Variants in AHNAK observed in about 807,000 individuals in gnomAD.
The protein encoded by AHNAK is neuroblast differentiation-associated protein AHNAK.
Under a neutral mutation model 37.8 loss-of-function variants are expected in AHNAK, and 23 were observed. The observed-to-expected ratio is 0.61, with a 90% CI of 0.44 to 0.86. The LOEUF (loss-of-function observed/expected upper bound fraction) is 0.86. AHNAK is among the 40% of genes least tolerant of loss of function. The pLI is 0.00. For missense variants in AHNAK, 7,411 were observed against 7,319.4 expected (o/e 1.01, Z -0.46); for synonymous variants, 2,481 against 2,636.3 (o/e 0.94, Z 1.80).
At chr11:62,543,258 T>C (rs974699397) in intron 1 of AHNAK, among the ~76,000 whole-genome samples, 8 of 152,144 alleles carry the variant, frequency 5.3e-5, no homozygotes, top group African/African-American at 1.9e-4. Context: ...ACTTCAGTCC[T>C]TACCTACAAC....
At chr11:62,450,559 C>T (rs1938514775) in intron 5 of AHNAK, among the ~76,000 whole-genome samples, 1 of 152,196 alleles carries the variant, frequency 6.6e-6, no homozygotes, top group Admixed American at 6.5e-5. Flanking sequence ...TGCCCCCAGA[C>T]ATAAGACTTC....
chr11:62,534,601 C>T (rs1332448343), intron 4 of AHNAK, among the ~76,000 whole-genome samples: 1 of 152,238 alleles, frequency 6.6e-6, no homozygotes, highest in African/African-American at 2.4e-5. Context: ...CCCACAGGCA[C>T]TTTGCTGCCC....
Position 62,529,356 on chromosome 11 carries a change from A to G in AHNAK, c.5061T>C (p.Val1687=), listed in dbSNP as rs771791577. ...KVEGEMKVPD[V]DIKGPKVDID... ...TGTCCACTTTGGGCCCTTTAATGTCAACATCTGGCACTTTCATTTCACCTT... is the reference window on the plus strand; with the variant it reads ...TGTCCACTTTGGGCCCTTTAATGTCGACATCTGGCACTTTCATTTCACCTT... The change falls in exon 5 of 5, where the codon GTT becomes GTC. Residue 1687 remains valine, a synonymous_variant. Transcript: ENST00000378024. The G allele has an allele frequency of 1.2e-6, 2 of 1,613,862 alleles. No homozygotes were observed. The highest frequency in any genetic ancestry group is 2.7e-5 in the African/African-American group (2 of 74,840).
rs748421379 is a variant in AHNAK at position 62,535,033 on chromosome 11, G to A, written c.312C>T (p.Val104=). 1.9e-6 allele frequency: 3 copies of A among 1,612,642 alleles called. No homozygotes were observed. Among genetic ancestry groups the A allele is most frequent in the African/African-American group, 1.3e-5 (1 of 74,912 alleles). Residue 104 remains valine (V), a synonymous_variant, in exon 4 of 5, where the codon GTC becomes GTT. Transcript: ENST00000378024. The stretch of plus-strand genomic sequence containing the variant: ...CCACTTCAGAGCTGCAGGAGCTGAA[G>A]ACTTCACGGGTCCAGGTCTGGCCAG... The part of the protein sequence containing the change: ...PEPGQTWTRE[V]FSSCSSEVVL...
In AHNAK at chr11:62,529,866, C is replaced by T. The variant is rs371736964; in HGVS notation, c.4551G>A (p.Lys1517=). Residue 1517 remains lysine, a synonymous_variant, in exon 5 of 5, where the codon AAG becomes AAA. Transcript: ENST00000378024. ...CTCCTTTAAAGCCAGGCATGCTGAACTTGGGCATTTTTACCTTGGGCATCT... is the reference window on the plus strand; with the variant it reads ...CTCCTTTAAAGCCAGGCATGCTGAATTTGGGCATTTTTACCTTGGGCATCT... ...HLKMPKVKMP[K]FSMPGFKGEG... 1.9e-6 allele frequency: 3 copies of T among 1,613,884 alleles called. No individual in the cohort carries two copies. Among genetic ancestry groups the T allele is most frequent in the Non-Finnish European group, 2.5e-6 (3 of 1,179,970 alleles).
At position 62,536,102 on chromosome 11, in the gene AHNAK, G is replaced by A. The variant is rs2134252056; in HGVS notation, c.1-4C>T. ...GGGTTGTCTCCTCCTTCTCCATCTG[G>A]AATGAGGTGAGGAAATGGAACTGGG... On this transcript the variant is annotated splice_region_variant and splice_polypyrimidine_tract_variant and intron_variant, in intron 2 of 4. Transcript: ENST00000378024. 1 of 1,568,222 alleles carries A rather than the reference G, an allele frequency of 6.4e-7. No homozygotes were observed. Among genetic ancestry groups the A allele is most frequent in the African/African-American group, 1.4e-5 (1 of 73,560 alleles).
At chr11:62,475,643 C>T (rs1939128232) in intron 5 of AHNAK, among the ~76,000 whole-genome samples, 1 of 135,354 alleles carries the variant, frequency 7.4e-6, no homozygotes, top group African/African-American at 2.8e-5. Context: ...CTCACTCTGT[C>T]ACCCAGGCCA....
rs759443644 is a variant in AHNAK, at chr11:62,530,878, C to T, written c.3539G>A (p.Gly1180Asp). The T allele has an allele frequency of 8.1e-6, 13 of 1,613,780 alleles. No individual in the cohort carries two copies. The highest frequency in any genetic ancestry group is 1.1e-5 in the Non-Finnish European group (13 of 1,179,982). ...SLEGPEGKLK[G>D]PKFKMPEMHF... ...CATCTCAGGCATCTTAAACTTGGGA[C>T]CCTTCAGCTTCCCTTCTGGACCTTC... is the stretch of plus-strand genomic sequence containing the variant. Residue 1180 changes from glycine to aspartate, a missense_variant, in exon 5 of 5, where the codon GGT becomes GAT. Transcript: ENST00000378024.
chr11:62,497,151 A>C (rs1565214448), intron 4 of AHNAK, among the ~76,000 whole-genome samples: 2 of 152,216 alleles, frequency 1.3e-5, no homozygotes, highest in Non-Finnish European at 2.9e-5. Context: ...GATGGGCCTG[A>C]TATCATCAAA....
At chr11:62,450,901 C>A (rs1938523216) in intron 5 of AHNAK, among the ~76,000 whole-genome samples, 3 of 152,208 alleles carry the variant, frequency 2.0e-5, no homozygotes, top group Admixed American at 2.0e-4. Flanking sequence ...GGGTGGCAAG[C>A]TCAGTTCAAG....
chr11:62,483,068 T>G (rs1054378168), intron 5 of AHNAK, among the ~76,000 whole-genome samples: 3 of 152,148 alleles, frequency 2.0e-5, no homozygotes, highest in Admixed American at 2.0e-4. Context: ...AAGCACTGCC[T>G]GGAGAGTGAC....
chr11:62,542,814 T>A (rs1410291604), intron 1 of AHNAK, among the ~76,000 whole-genome samples: 1 of 152,118 alleles, frequency 6.6e-6, no homozygotes, highest in East Asian at 1.9e-4. Flanking sequence ...GAGGGTGGCG[T>A]CCTATAGGAG....
chr11:62,515,128 A>G (rs916715771), downstream of AHNAK, among the ~76,000 whole-genome samples: 1 of 152,210 alleles, frequency 6.6e-6, no homozygotes, highest in Non-Finnish European at 1.5e-5. Flanking sequence ...TACTGTCAAC[A>G]GAGCTGGAAA....
chr11:62,452,244 C>T (rs574796370), intron 5 of AHNAK, among the ~76,000 whole-genome samples: 148 of 152,260 alleles, frequency 9.7e-4, no homozygotes, highest in Non-Finnish European at 1.6e-3. Flanking sequence ...TCATGTTATC[C>T]TTATAGAAAT....
At chr11:62,496,780 G>A (rs1160594309) in intron 4 of AHNAK, among the ~76,000 whole-genome samples, 1 of 151,130 alleles carries the variant, frequency 6.6e-6, no homozygotes, top group African/African-American at 2.4e-5. Context: ...GAGCAGCAGA[G>A]GGAGGGAGAC....
At chr11:62,502,490 G>C (rs1433492696) in intron 4 of AHNAK, among the ~76,000 whole-genome samples, 2 of 152,154 alleles carry the variant, frequency 1.3e-5, no homozygotes, top group Non-Finnish European at 2.9e-5. Context: ...TGAAGTGATC[G>C]GTTAGTGATA....
At chr11:62,445,831 A>G (rs1356100130) in intron 5 of AHNAK, among the ~76,000 whole-genome samples, 1 of 152,164 alleles carries the variant, frequency 6.6e-6, no homozygotes, top group East Asian at 1.9e-4. Context: ...AACCTGGCCA[A>G]CATAGTGAAA....
At chr11:62,434,924 C>T (rs1938125683) in intron 5 of AHNAK, among the ~76,000 whole-genome samples, 2 of 138,936 alleles carry the variant, frequency 1.4e-5, no homozygotes, top group Admixed American at 1.4e-4. Context: ...CATGGCAAGA[C>T]CCTGTCTCAA....
At chr11:62,436,807 C>T (rs947130753) in intron 5 of AHNAK, among the ~76,000 whole-genome samples, 4 of 151,936 alleles carry the variant, frequency 2.6e-5, no homozygotes, top group African/African-American at 7.2e-5. Context: ...GGCATGGTGG[C>T]GGGCGCCTGT....
Sources: gnomAD v4.1 joint callset for allele counts (sites outside exome capture counted in the v4.1 genomes callset) on GRCh38, gnomAD v4.1.1 for gene constraint, MANE v1.5 for transcripts, NCBI Gene and HGNC (gene_info 2026-07-23, HGNC 2026-07-21) for gene names.